PITPNB: variants seen among roughly 807,000 people sequenced by gnomAD.
PITPNB encodes the protein phosphatidylinositol transfer protein beta isoform.
A neutral mutation model predicts 45.9 loss-of-function variants in PITPNB; 16 were observed. The ratio of observed to expected loss-of-function variants is 0.35; its 90% confidence interval spans 0.24 to 0.53. The LOEUF (loss-of-function observed/expected upper bound fraction) is 0.53, where lower values mean the gene tolerates loss of function less well. Ranked by LOEUF, PITPNB falls within the 20% of genes least tolerant of loss-of-function variation. The pLI is 0.93. For missense variants in PITPNB, 188 were observed against 330.5 expected (o/e 0.57, Z 3.34); for synonymous variants, 112 against 108.9 (o/e 1.03, Z -0.18).
At chr22:27,881,111 T>A (rs570927818) in intron 7 of PITPNB, among the ~76,000 whole-genome samples, 5 of 152,344 alleles carry the variant, frequency 3.3e-5, no homozygotes, top group South Asian at 2.1e-4. Flanking sequence ...ATTTTCACAT[T>A]TCTTTTTAAT....
At chr22:27,890,031 T>G (rs1935228226) in intron 7 of PITPNB, among the ~76,000 whole-genome samples, 1 of 152,200 alleles carries the variant, frequency 6.6e-6, no homozygotes, top group African/African-American at 2.4e-5. Context: ...GCCCAAACAA[T>G]GGGGCGGAAA....
chr22:27,894,831 A>G (rs1935388982), intron 6 of PITPNB, among the ~76,000 whole-genome samples, 193 bp from the exon 7 acceptor site: 1 of 152,220 alleles, frequency 6.6e-6, no homozygotes, highest in Non-Finnish European at 1.5e-5. Flanking sequence ...ATAACCCCAA[A>G]TAATAAGGAA....
At chr22:27,895,843 G>C (rs891331293) in intron 6 of PITPNB, among the ~76,000 whole-genome samples, 1 of 152,120 alleles carries the variant, frequency 6.6e-6, no homozygotes, top group Non-Finnish European at 1.5e-5. Flanking sequence ...CTTGGGTGAG[G>C]TCAGAGTATT....
intron 7 of PITPNB, among the ~76,000 whole-genome samples, chr22:27,881,668 C>T (rs1294662621): frequency 6.6e-6 from 1 of 152,206 alleles, no homozygotes. Context: ...CTCCAAGAAG[C>T]AGAAAGCCCT....
chr22:27,883,890 C>T (rs1429823968), intron 7 of PITPNB, among the ~76,000 whole-genome samples: 2 of 152,104 alleles, frequency 1.3e-5, no homozygotes, highest in Admixed American at 6.5e-5. Context: ...GTGAGCTGGA[C>T]TCAGCAGAGG....
chr22:27,860,482 C>T, intron 8 of PITPNB: 1 of 365,530 alleles, frequency 2.7e-6, no homozygotes, highest in Non-Finnish European at 5.1e-6. Context: ...GTATGTTGCT[C>T]TGCCTCAAAT....
intron 10 of PITPNB, among the ~76,000 whole-genome samples, chr22:27,856,528 T>C (rs1014450576): frequency 5.5e-4 from 84 of 152,330 alleles, no homozygotes; most frequent in African/African-American, 2.0e-3. Context: ...CTCAGTCAAG[T>C]TCTGTCCAAG....
At chr22:27,888,138 CTTT>C (rs532346287) in intron 7 of PITPNB, among the ~76,000 whole-genome samples, 31 of 152,194 alleles carry the variant, frequency 2.0e-4, no homozygotes, top group Non-Finnish European at 3.8e-4. Flanking sequence ...ATACATACTT[CTTT>C]GTCTTTCTCC....
rs1428176467 is a variant in PITPNB, at chr22:27,914,304, A to C, written c.51+13T>G. 7 of 1,572,734 alleles carry C rather than the reference A, an allele frequency of 4.5e-6. No homozygotes were observed. The South Asian group carries it at 7.8e-5, about 17-fold the overall frequency. ...TATACCAATAAAATGATGCAGAAGC[A>C]AGAAAAACTCACCTCCTGAACAGAA... On this transcript the variant is annotated intron_variant, in intron 2 of 11. Transcript: ENST00000335272.
chr22:27,881,681 T>C (rs1349515634), intron 7 of PITPNB, among the ~76,000 whole-genome samples: 2 of 152,192 alleles, frequency 1.3e-5, no homozygotes, highest in Admixed American at 6.5e-5. Flanking sequence ...AAAGCCCTTC[T>C]TAGGAAATAA....
At chr22:27,879,213 G>A (rs1934901201) in intron 7 of PITPNB, among the ~76,000 whole-genome samples, 1 of 152,108 alleles carries the variant, frequency 6.6e-6, no homozygotes, top group Non-Finnish European at 1.5e-5. Context: ...GTTTATGGAG[G>A]CAGACTCCTA....
chr22:27,890,991 G>A (rs996709912), intron 7 of PITPNB, among the ~76,000 whole-genome samples: 7 of 152,148 alleles, frequency 4.6e-5, no homozygotes, highest in South Asian at 2.1e-4. Context: ...TGTGCGTTGC[G>A]TGATTCTATT....
intron 7 of PITPNB, among the ~76,000 whole-genome samples, chr22:27,893,387 C>T (rs1935339640): frequency 6.6e-6 from 1 of 150,716 alleles, no homozygotes; most frequent in Admixed American, 6.6e-5. Context: ...CGGGCTCATG[C>T]CACTCTCCTG....
chr22:27,871,892 C>CTCTGA (rs949998045), intron 8 of PITPNB, among the ~76,000 whole-genome samples: 4 of 151,958 alleles, frequency 2.6e-5, no homozygotes, highest in African/African-American at 4.8e-5. Context: ...TGAGCTCTCA[C>CTCTGA]TCTGAGTTCA....
chr22:27,889,090 C>T (rs140059891), intron 7 of PITPNB, among the ~76,000 whole-genome samples: 15 of 152,294 alleles, frequency 9.8e-5, no homozygotes, highest in African/African-American at 2.9e-4. Context: ...TCAAGACTAA[C>T]GACAAGCAAG....
chr22:27,897,260 T>C, intron 4 of PITPNB, 123 bp from the exon 5 acceptor site: 1 of 765,596 alleles, frequency 1.3e-6, no homozygotes, highest in Non-Finnish European at 2.4e-6. Context: ...ACAGAACATT[T>C]ATTTAGTAAT....
chr22:27,866,520 T>C (rs879916577), intron 8 of PITPNB, among the ~76,000 whole-genome samples: 3 of 152,172 alleles, frequency 2.0e-5, no homozygotes, highest in Middle Eastern at 3.2e-3. Context: ...CAAACAAATA[T>C]AAACAAACGT....
intron 3 of PITPNB, among the ~76,000 whole-genome samples, chr22:27,900,077 C>T (rs547957639): frequency 1.3e-5 from 2 of 152,150 alleles, no homozygotes; most frequent in African/African-American, 4.8e-5. Context: ...GTGGTGGGTG[C>T]CTGCAATCCC....
At chr22:27,854,626 C>T (rs1350217689) in intron 11 of PITPNB, among the ~76,000 whole-genome samples, 2 of 152,196 alleles carry the variant, frequency 1.3e-5, no homozygotes, top group African/African-American at 4.8e-5. Context: ...TGGGTTCTAA[C>T]CCATAACACT....
Sources: allele counts gnomAD v4.1 joint callset (sites outside exome capture counted in the v4.1 genomes callset), GRCh38; gene constraint gnomAD v4.1.1; transcripts MANE v1.5; gene names NCBI Gene and HGNC (gene_info 2026-07-23, HGNC 2026-07-21).